The following CACNB4 variants were observed in gnomAD, a reference collection of about 807,000 sequenced individuals.
CACNB4 encodes calcium voltage-gated channel auxiliary subunit beta 4, also known as voltage-dependent L-type calcium channel subunit beta-4.
Under a neutral mutation model 71.2 loss-of-function variants are expected in CACNB4, and 32 were observed. That is an observed-to-expected ratio of 0.45 (90% CI 0.34 to 0.60). CACNB4 has a LOEUF of 0.60. CACNB4 is among the 20% of genes least tolerant of loss of function. CACNB4 has a pLI of 0.01. For missense variants in CACNB4, 464 were observed against 647.9 expected (o/e 0.72, Z 3.08); for synonymous variants, 231 against 236.9 (o/e 0.97, Z 0.23).
intron 2 of CACNB4, chr2:151,973,865 C>A: frequency 6.8e-7 from 1 of 1,469,860 alleles, no homozygotes. Context: ...GCTATTCATT[C>A]ACATCCCACA....
At chr2:151,848,187 CA>C (rs1396284524) in intron 12 of CACNB4, among the ~76,000 whole-genome samples, 1 of 152,184 alleles carries the variant, frequency 6.6e-6, no homozygotes, top group Non-Finnish European at 1.5e-5. Context: ...TAGATCATAG[CA>C]TTGGTGGGAA....
chr2:151,893,079 T>C (rs773982761), intron 2 of CACNB4, among the ~76,000 whole-genome samples: 3 of 152,200 alleles, frequency 2.0e-5, no homozygotes, highest in Admixed American at 6.5e-5. Context: ...TGTTTGGTAC[T>C]GGCGCAGATC....
At chr2:151,976,637 C>T (rs898214365) in intron 2 of CACNB4, among the ~76,000 whole-genome samples, 23 of 152,192 alleles carry the variant, frequency 1.5e-4, no homozygotes, top group Admixed American at 1.2e-3. Context: ...ACCCAATACT[C>T]GGGCTGATCC....
chr2:151,962,429 C>T (rs2099869902), intron 2 of CACNB4, among the ~76,000 whole-genome samples: 2 of 151,884 alleles, frequency 1.3e-5, no homozygotes. Context: ...ACTTACAGTT[C>T]CTCGTACCTT....
At chr2:151,950,203 TA>T (rs1291237630) in intron 2 of CACNB4, among the ~76,000 whole-genome samples, 1 of 151,744 alleles carries the variant, frequency 6.6e-6, no homozygotes, top group Non-Finnish European at 1.5e-5. Flanking sequence ...GGGGAGACAT[TA>T]AAAAAAACCT....
chr2:151,957,260 G>GTA lies in CACNB4; in HGVS notation c.148-73891_148-73890insTA, dbSNP rs1191446339. On this transcript the variant is annotated intron_variant, in intron 2 of 13. Coordinates refer to ENST00000539935, the MANE Select transcript of CACNB4 (RefSeq NM_000726.5). ...AAAAAAAAGTAGAGTGGCTGGGCGT[G>GTA]TGTGTGTGTGTGTGTGTGTGTGTGT... Among the ~76,000 whole-genome samples, 210 of 138,774 alleles carry GTA rather than the reference G, an allele frequency of 1.5e-3. 1 individual carries two copies. The highest frequency in any genetic ancestry group is 4.5e-3 in the Admixed American group (64 of 14,272). The allele number at this position is 138,774 out of a possible 152,430, so 91.0% of individuals were successfully genotyped here. A position where few individuals can be genotyped will look rare whatever the true frequency, so the allele number is the denominator to read the frequency against.
intron 2 of CACNB4, among the ~76,000 whole-genome samples, chr2:152,033,870 T>C (rs1274413102): frequency 6.6e-6 from 1 of 152,218 alleles, no homozygotes; most frequent in Admixed American, 6.5e-5. Flanking sequence ...AATCAAATCA[T>C]TCACTCCTTC....
At chr2:151,992,036 CT>C (rs1192428323) in intron 2 of CACNB4, among the ~76,000 whole-genome samples, 4 of 152,208 alleles carry the variant, frequency 2.6e-5, no homozygotes, top group South Asian at 2.1e-4. Flanking sequence ...AATGGCCCCC[CT>C]GAAGGACAAT....
At chr2:151,930,489 T>C (rs1207034524) in intron 2 of CACNB4, among the ~76,000 whole-genome samples, 1 of 152,200 alleles carries the variant, frequency 6.6e-6, no homozygotes, top group Non-Finnish European at 1.5e-5. Context: ...ATATAAAATT[T>C]AATACACATG....
intron 2 of CACNB4, among the ~76,000 whole-genome samples, chr2:151,954,783 C>T (rs142317396): frequency 6.6e-6 from 1 of 150,812 alleles, no homozygotes; most frequent in African/African-American, 2.4e-5. Context: ...AATAAAGAAA[C>T]TATGATACAC....
chr2:152,032,819 T>C (rs1684358600), intron 2 of CACNB4, among the ~76,000 whole-genome samples: 1 of 152,144 alleles, frequency 6.6e-6, no homozygotes. Context: ...CTGGGTATGT[T>C]GGCATACGCC....
intron 12 of CACNB4, among the ~76,000 whole-genome samples, chr2:151,846,795 T>A (rs949273121): frequency 6.6e-6 from 1 of 152,106 alleles, no homozygotes; most frequent in Non-Finnish European, 1.5e-5. Flanking sequence ...GCTCAAGTGA[T>A]CCACCTGCCT....
intron 2 of CACNB4, among the ~76,000 whole-genome samples, chr2:152,092,824 C>CAT (rs1688050313): frequency 6.6e-6 from 1 of 151,188 alleles, no homozygotes; most frequent in Non-Finnish European, 1.5e-5. Context: ...TATACATTTA[C>CAT]ATATATATAC....
chr2:152,046,803 C>A (rs16830662), intron 2 of CACNB4, among the ~76,000 whole-genome samples: 9,456 of 152,208 alleles, frequency 0.062, 967 homozygotes, highest in African/African-American at 0.22. Context: ...GGGTTATCAT[C>A]ACAGGCAGCT....
chr2:152,075,385 T>C (rs900818926), intron 2 of CACNB4, among the ~76,000 whole-genome samples: 8 of 152,062 alleles, frequency 5.3e-5, no homozygotes, highest in African/African-American at 1.9e-4. Flanking sequence ...TGCAAAACAA[T>C]GTGAGAGTTA....
intron 2 of CACNB4, among the ~76,000 whole-genome samples, chr2:152,039,601 T>C (rs1395995018): frequency 6.6e-6 from 1 of 152,200 alleles, no homozygotes; most frequent in Non-Finnish European, 1.5e-5. Flanking sequence ...ATTTGTTCTA[T>C]GAGGATAAGA....
chr2:151,838,175 G>C lies in CACNB4; in HGVS notation c.*944C>G, dbSNP rs1164350899. On this transcript the variant is annotated 3_prime_UTR_variant, in exon 14 of 14. Coordinates refer to ENST00000539935, the MANE Select transcript of CACNB4 (RefSeq NM_000726.5). ...GTTTAGCATTGCACTCGGGAGGATTGGTACCACATCCTTACTATCTGACTT... is the reference window on the plus strand; with the variant it reads ...GTTTAGCATTGCACTCGGGAGGATTCGTACCACATCCTTACTATCTGACTT... 1 of 152,530 alleles carries C rather than the reference G, an allele frequency of 6.6e-6. No homozygotes were observed. Among genetic ancestry groups the C allele is most frequent in the African/African-American group, 2.4e-5 (1 of 41,428 alleles). The allele number at this position is 152,530 out of a possible 1,614,324, so 9.4% of individuals were successfully genotyped here.
chr2:152,054,283 G>A (rs942513512), intron 2 of CACNB4, among the ~76,000 whole-genome samples: 20 of 150,768 alleles, frequency 1.3e-4, no homozygotes, highest in African/African-American at 4.6e-4. Flanking sequence ...GGAGAATGGC[G>A]TGAACCCGGG....
intron 2 of CACNB4, among the ~76,000 whole-genome samples, chr2:151,935,888 A>T (rs2099862805): frequency 6.6e-6 from 1 of 152,218 alleles, no homozygotes; most frequent in African/African-American, 2.4e-5. Context: ...GACAAAGGAG[A>T]TCTGGATTGC....
Sources: allele counts gnomAD v4.1 joint callset (sites outside exome capture counted in the v4.1 genomes callset), GRCh38; gene constraint gnomAD v4.1.1; transcripts MANE v1.5; gene names NCBI Gene and HGNC (gene_info 2026-07-23, HGNC 2026-07-21).